SLC4A4: variants seen among roughly 807,000 people sequenced by gnomAD.
The protein encoded by SLC4A4 is solute carrier family 4 member 4, also known as electrogenic sodium bicarbonate cotransporter 1.
A neutral mutation model predicts 111.5 loss-of-function variants in SLC4A4; 27 were observed. The ratio of observed to expected loss-of-function variants is 0.24; its 90% confidence interval spans 0.18 to 0.33. SLC4A4 has a LOEUF of 0.33. Ranked by LOEUF, SLC4A4 falls within the 10% of genes least tolerant of loss-of-function variation. The pLI is 1.00. For synonymous variants in SLC4A4, 443 were observed against 463.4 expected (o/e 0.96, Z 0.57); for missense variants, 909 against 1,315.5 (o/e 0.69, Z 4.78).
chr4:71,223,632 G>T (rs896213367), intron 1 of SLC4A4, among the ~76,000 whole-genome samples: 24 of 152,138 alleles, frequency 1.6e-4, no homozygotes, highest in African/African-American at 5.3e-4. Context: ...ATGCTTGCAT[G>T]TGGGCCTCCT....
At chr4:71,165,484 A>C (rs886221406) in intron 2 of SLC4A4, among the ~76,000 whole-genome samples, 1 of 152,194 alleles carries the variant, frequency 6.6e-6, no homozygotes, top group South Asian at 2.1e-4. Context: ...GTTCTCACTC[A>C]TAAGTGGGAG....
chr4:71,145,898 G>A (rs552001984), intron 2 of SLC4A4, among the ~76,000 whole-genome samples: 2 of 152,200 alleles, frequency 1.3e-5, no homozygotes, highest in East Asian at 1.9e-4. Flanking sequence ...CAAAAAACCA[G>A]CTCCTGGATT....
chr4:71,276,721 G>A (rs1218200795), intron 3 of SLC4A4, among the ~76,000 whole-genome samples: 2 of 152,036 alleles, frequency 1.3e-5, no homozygotes, highest in African/African-American at 2.4e-5. Flanking sequence ...ATATTAAGAG[G>A]CATCTTGGTT....
chr4:71,242,490 T>C (rs938324855), intron 2 of SLC4A4, among the ~76,000 whole-genome samples: 2 of 152,142 alleles, frequency 1.3e-5, no homozygotes, highest in African/African-American at 4.8e-5. Flanking sequence ...GTTTAGATTA[T>C]GGGTTTTTCT....
At chr4:71,292,052 A>C (rs574626338) in intron 3 of SLC4A4, among the ~76,000 whole-genome samples, 2 of 152,292 alleles carry the variant, frequency 1.3e-5, no homozygotes, top group East Asian at 3.9e-4. Context: ...ATGTCCAATA[A>C]ATTATTGTTG....
At chr4:71,261,325 C>T (rs913782266) in intron 3 of SLC4A4, among the ~76,000 whole-genome samples, 1 of 152,170 alleles carries the variant, frequency 6.6e-6, no homozygotes, top group African/African-American at 2.4e-5. Flanking sequence ...TGTAATTCCC[C>T]GTTCTGGATG....
intron 3 of SLC4A4, among the ~76,000 whole-genome samples, chr4:71,295,880 G>A (rs768518810): frequency 1.7e-4 from 26 of 151,838 alleles, no homozygotes; most frequent in Admixed American, 3.3e-4. Flanking sequence ...GGCTGGTCTC[G>A]AACTCATGTC....
At chr4:71,365,737 A>G (rs897548784) in intron 6 of SLC4A4, among the ~76,000 whole-genome samples, 1 of 149,846 alleles carries the variant, frequency 6.7e-6, no homozygotes, top group Non-Finnish European at 1.5e-5. Context: ...GATGTTGAAC[A>G]AAGAAAATGT....
chr4:71,068,778 GCTGGC>G (rs1336480933), intron 1 of SLC4A4, among the ~76,000 whole-genome samples: 1 of 151,924 alleles, frequency 6.6e-6, no homozygotes, highest in African/African-American at 2.4e-5. Flanking sequence ...CGTTGCCCAG[GCTGGC>G]CTCAAATTCC....
intron 3 of SLC4A4, among the ~76,000 whole-genome samples, chr4:71,321,540 T>C (rs1049217899): frequency 6.6e-6 from 1 of 151,978 alleles, no homozygotes; most frequent in East Asian, 1.9e-4. Flanking sequence ...ACAGACTTGG[T>C]AATTTGTAAA....
chr4:71,388,878 A>G (rs1420108054), intron 6 of SLC4A4, among the ~76,000 whole-genome samples: 1 of 152,162 alleles, frequency 6.6e-6, no homozygotes, highest in African/African-American at 2.4e-5. Flanking sequence ...ATCACAATAA[A>G]AATTATATCC....
intron 5 of SLC4A4, among the ~76,000 whole-genome samples, chr4:71,352,316 T>C (rs1729915966): frequency 6.6e-6 from 1 of 152,138 alleles, no homozygotes; most frequent in Non-Finnish European, 1.5e-5. Flanking sequence ...TGGCAGAGTA[T>C]AGGCAGTCTA....
intron 2 of SLC4A4, among the ~76,000 whole-genome samples, chr4:71,099,684 T>C (rs1742659914): frequency 6.6e-6 from 1 of 152,070 alleles, no homozygotes; most frequent in African/African-American, 2.4e-5. Context: ...ATGAGATTGA[T>C]AGGCTATTAG....
chr4:71,467,996 G>T (rs1052220486), intron 13 of SLC4A4, among the ~76,000 whole-genome samples: 1 of 152,014 alleles, frequency 6.6e-6, no homozygotes, highest in African/African-American at 2.4e-5. Context: ...AAGTATGTGT[G>T]TTATCAAAAA....
chr4:71,552,956 T>A (rs1736164144), intron 20 of SLC4A4, among the ~76,000 whole-genome samples: 1 of 151,908 alleles, frequency 6.6e-6, no homozygotes, highest in Admixed American at 6.6e-5. Context: ...ATGATTATTT[T>A]GTGATGAATT....
intron 9 of SLC4A4, 128 bp from the exon 10 acceptor site, chr4:71,450,261 C>G: frequency 1.4e-6 from 1 of 737,352 alleles, no homozygotes; most frequent in African/African-American, 1.7e-5. Flanking sequence ...ATAATAGGGA[C>G]TATCAGAGCA....
intron 1 of SLC4A4, among the ~76,000 whole-genome samples, chr4:71,208,423 T>A (rs1439809068): frequency 7.3e-6 from 1 of 136,362 alleles, no homozygotes; most frequent in Non-Finnish European, 1.5e-5. Flanking sequence ...AGGGTGAGAC[T>A]CCGTCTCAAA....
chr4:71,214,812 G>A (rs1215700045), intron 1 of SLC4A4, among the ~76,000 whole-genome samples: 2 of 152,210 alleles, frequency 1.3e-5, no homozygotes, highest in Non-Finnish European at 2.9e-5. Context: ...CTGCCTGGCA[G>A]CTCCCAGGAG....
At chr4:71,110,819 GT>G (rs1743065101) in intron 2 of SLC4A4, among the ~76,000 whole-genome samples, 1 of 152,086 alleles carries the variant, frequency 6.6e-6, no homozygotes, top group East Asian at 1.9e-4. Context: ...TTGAAGTACT[GT>G]GTATAATTTA....
Sources: allele counts gnomAD v4.1 joint callset (sites outside exome capture counted in the v4.1 genomes callset), GRCh38; gene constraint gnomAD v4.1.1; transcripts MANE v1.5; gene names NCBI Gene and HGNC (gene_info 2026-07-23, HGNC 2026-07-21).